PPM1B: variants seen among roughly 807,000 people sequenced by gnomAD.
The protein encoded by PPM1B is protein phosphatase, Mg2+/Mn2+ dependent 1B.
In PPM1B, 22 loss-of-function variants were observed where a neutral mutation model predicts 43.0. The ratio of observed to expected loss-of-function variants is 0.51; its 90% CI spans 0.37 to 0.73. PPM1B has a LOEUF of 0.73. PPM1B is among the 30% of genes least tolerant of loss of function. The pLI, the probability that PPM1B is intolerant of heterozygous loss-of-function variation, is 0.00. For synonymous variants in PPM1B, 217 were observed against 197.9 expected (o/e 1.10, Z -0.81); for missense variants, 632 against 584.2 (o/e 1.08, Z -0.84).
rs771467201 is a variant in PPM1B, at chr2:44,202,050, G to A, written c.846+5G>A. 1.1e-5 allele frequency: 17 copies of A among 1,512,858 alleles called. No individual in the cohort carries two copies. Among genetic ancestry groups the A allele is most frequent in the Middle Eastern group, 3.5e-4 (2 of 5,650 alleles). The allele number at this position is 1,512,858 out of a possible 1,614,324, so 93.7% of individuals were successfully genotyped here. On this transcript the variant is annotated splice_donor_5th_base_variant and intron_variant, in intron 2 of 5. Transcript: ENST00000282412. ...GTGGACACTTGTTTACACAAGGTAT[G>A]TAAACTTTTTTGTCATTAAAATAAC... is the stretch of plus-strand genomic sequence containing the variant.
downstream of PPM1B, among the ~76,000 whole-genome samples, chr2:44,238,736 C>T (rs1670684274): frequency 6.6e-6 from 1 of 151,702 alleles, no homozygotes; most frequent in African/African-American, 2.4e-5. Context: ...TTAGGGGGAG[C>T]TTGAGCTACA....
Position 44,198,424 on chromosome 2 carries a change from G to A in PPM1B, c.-14-2762G>A, listed in dbSNP as rs188687259. ...GATCCGCCCGCCTCAGCCTCCCAAA[G>A]TGTTGGGATTACAGGCATGAGCCAC... On this transcript the variant is annotated intron_variant, in intron 1 of 5. Transcript: ENST00000282412. Among the ~76,000 whole-genome samples, 489 of 152,276 alleles carry A rather than the reference G, an allele frequency of 3.2e-3. 1 individual carries two copies. Among genetic ancestry groups the A allele is most frequent in the African/African-American group, 0.011 (453 of 41,544 alleles).
downstream of PPM1B, chr2:44,232,209 A>G (rs1670488131): frequency 2.7e-6 from 4 of 1,484,568 alleles, no homozygotes; most frequent in Non-Finnish European, 3.7e-6. Flanking sequence ...TTTTCAGACA[A>G]AGAAAGGAAG....
Position 44,173,610 on chromosome 2 carries a change from A to G in PPM1B, c.-15+4336A>G, listed in dbSNP as rs77544161. Among the ~76,000 whole-genome samples, 552 of 152,310 alleles carry G rather than the reference A, an allele frequency of 3.6e-3. 2 individuals are homozygous for G. The highest frequency in any genetic ancestry group is 0.013 in the African/African-American group (533 of 41,558). On this transcript the variant is annotated intron_variant, in intron 1 of 5. Transcript: ENST00000282412. Reference sequence around the variant, plus strand: ...TACTATAACTAATCACATCTACAATATCTTGTTATTGCTTGGCATAACATA... The same window carrying G: ...TACTATAACTAATCACATCTACAATGTCTTGTTATTGCTTGGCATAACATA...
intron 3 of PPM1B, among the ~76,000 whole-genome samples, chr2:44,216,548 G>C (rs909491975): frequency 6.6e-6 from 1 of 152,178 alleles, no homozygotes; most frequent in Non-Finnish European, 1.5e-5. Context: ...ATGCATATGG[G>C]AGTGTATTGC....
At chr2:44,230,152 G>A in intron 5 of PPM1B, 1 of 1,433,548 alleles carries the variant, frequency 7.0e-7, no homozygotes, top group Non-Finnish European at 9.1e-7. Context: ...TAAAAGCTGA[G>A]TAAATTTCAG....
At chr2:44,176,574 G>A (rs112063925) in intron 1 of PPM1B, among the ~76,000 whole-genome samples, 2 of 152,196 alleles carry the variant, frequency 1.3e-5, no homozygotes, top group Non-Finnish European at 2.9e-5. Flanking sequence ...GCACTTAGAT[G>A]TGTGAAGCAG....
rs146622285 is a variant in PPM1B at position 44,224,231 on chromosome 2, G to A, written c.1134+5694G>A. Among the ~76,000 whole-genome samples the A allele has an allele frequency of 7.4e-3, 1,123 of 152,178 alleles. 9 individuals are homozygous for A. The highest frequency in any genetic ancestry group is 0.026 in the African/African-American group (1,060 of 41,526). Reference sequence around the variant, plus strand: ...AACACTTTGGGAGGCCGAGGTGGGCGGATCACAAGGTCAGGAGATTGAGAC... The same window carrying A: ...AACACTTTGGGAGGCCGAGGTGGGCAGATCACAAGGTCAGGAGATTGAGAC... On this transcript the variant is annotated intron_variant, in intron 5 of 5. Coordinates refer to ENST00000282412, the MANE Select transcript of PPM1B (RefSeq NM_002706.6).
chr2:44,181,864 T>G (rs1287838159), intron 1 of PPM1B, among the ~76,000 whole-genome samples: 1 of 152,236 alleles, frequency 6.6e-6, no homozygotes, highest in African/African-American at 2.4e-5. Context: ...AGAGGGCAGA[T>G]ACTGTGTTTT....
intron 1 of PPM1B, among the ~76,000 whole-genome samples, chr2:44,199,646 C>A (rs1161682422): frequency 6.6e-6 from 1 of 152,068 alleles, no homozygotes; most frequent in Non-Finnish European, 1.5e-5. Context: ...GAGAATTAAA[C>A]CAGCATGTTC....
At chr2:44,232,771 G>C, downstream of PPM1B, 1 of 987,162 alleles carries the variant, frequency 1.0e-6, no homozygotes, top group Non-Finnish European at 1.2e-6. Flanking sequence ...CCTTTTTTCA[G>C]TTCACCAAGT....
intron 1 of PPM1B, among the ~76,000 whole-genome samples, chr2:44,191,709 A>G (rs1668411763): frequency 6.6e-6 from 1 of 152,010 alleles, no homozygotes; most frequent in Admixed American, 6.6e-5. Context: ...CTGGGTGGAT[A>G]CTCTATAACC....
downstream of PPM1B, chr2:44,233,799 A>G: frequency 6.1e-6 from 6 of 985,578 alleles, no homozygotes; most frequent in Non-Finnish European, 7.2e-6. Flanking sequence ...TATTGCCACA[A>G]TATATTTTAT....
At chr2:44,227,142 T>A (rs987263004) in intron 5 of PPM1B, among the ~76,000 whole-genome samples, 3 of 151,794 alleles carry the variant, frequency 2.0e-5, no homozygotes, top group Non-Finnish European at 1.5e-5. Context: ...CCTAATTTTT[T>A]AAATTTTTGT....
chr2:44,241,880 A>T (rs1481260471), intron 5 of PPM1B, among the ~76,000 whole-genome samples: 4 of 304 alleles, frequency 0.013, no homozygotes, highest in Non-Finnish European at 0.039. Context: ...TTTTTTTGAG[A>T]CGGAGTCTCG....
chr2:44,179,906 G>C (rs1667781811), intron 1 of PPM1B, among the ~76,000 whole-genome samples: 1 of 151,684 alleles, frequency 6.6e-6, no homozygotes, highest in South Asian at 2.1e-4. Flanking sequence ...CTACTCAGGA[G>C]GCTGAGGCAG....
chr2:44,179,236 A>G (rs1031906170), intron 1 of PPM1B, among the ~76,000 whole-genome samples: 5 of 152,256 alleles, frequency 3.3e-5, no homozygotes, highest in African/African-American at 1.2e-4. Context: ...CCCTGGCCAC[A>G]TAGAACTGAA....
chr2:44,220,048 G>T (rs1304036480), intron 5 of PPM1B, among the ~76,000 whole-genome samples: 1 of 151,972 alleles, frequency 6.6e-6, no homozygotes, highest in Non-Finnish European at 1.5e-5. Context: ...ATAGGATGTT[G>T]ACATATGACT....
chr2:44,194,472 C>A (rs1668562015), intron 1 of PPM1B, among the ~76,000 whole-genome samples: 1 of 151,564 alleles, frequency 6.6e-6, no homozygotes, highest in Admixed American at 6.6e-5. Flanking sequence ...GCCTGTAATC[C>A]CAGCACTTTG....
Sources: gnomAD v4.1 joint callset for allele counts (sites outside exome capture counted in the v4.1 genomes callset) on GRCh38, gnomAD v4.1.1 for gene constraint, MANE v1.5 for transcripts, NCBI Gene and HGNC (gene_info 2026-07-23, HGNC 2026-07-21) for gene names.